Variants in EXT1 observed in about 807,000 individuals in gnomAD.
The protein encoded by EXT1 is exostosin-1.
A neutral mutation model predicts 82.5 loss-of-function variants in EXT1; 20 were observed. That is an observed-to-expected ratio of 0.24 (90% CI 0.17 to 0.35). EXT1 has a LOEUF of 0.35. Ranked by LOEUF, EXT1 falls within the 10% of genes least tolerant of loss-of-function variation. EXT1 has a pLI of 1.00. For missense variants in EXT1, 757 were observed against 936.5 expected (o/e 0.81, Z 2.50); for synonymous variants, 348 against 350.8 (o/e 0.99, Z 0.09).
chr8:117,827,377 A>G (rs1251142745), intron 4 of EXT1, among the ~76,000 whole-genome samples: 1 of 152,222 alleles, frequency 6.6e-6, no homozygotes, highest in East Asian at 1.9e-4. Flanking sequence ...GAAGTTCACA[A>G]TAGGATGCAT....
At chr8:117,873,208 C>T (rs1009255354) in intron 1 of EXT1, among the ~76,000 whole-genome samples, 10 of 152,148 alleles carry the variant, frequency 6.6e-5, no homozygotes, top group Non-Finnish European at 1.3e-4. Context: ...ACCCTGGTCT[C>T]GGACTCTGAG....
intron 1 of EXT1, among the ~76,000 whole-genome samples, chr8:117,904,841 GGAAAAAAAAAAGTGTGAA>G (rs1813514137): frequency 6.8e-6 from 1 of 146,102 alleles, no homozygotes; most frequent in Non-Finnish European, 1.5e-5. Flanking sequence ...CAGAGAAATT[GGAAAAAAAAAAGTGTGAA>G]GAAAAAAAAA....
intron 1 of EXT1, among the ~76,000 whole-genome samples, chr8:117,925,314 C>T (rs1242459345): frequency 6.7e-6 from 1 of 150,040 alleles, no homozygotes; most frequent in Admixed American, 6.7e-5. Flanking sequence ...TGGTCTCTGG[C>T]ACACACATAA....
At chr8:117,994,692 G>A (rs2129795631) in intron 1 of EXT1, among the ~76,000 whole-genome samples, 1 of 152,244 alleles carries the variant, frequency 6.6e-6, no homozygotes, top group South Asian at 2.1e-4. Flanking sequence ...TACATCCCTG[G>A]GGCAACAAGC....
intron 7 of EXT1, among the ~76,000 whole-genome samples, chr8:117,816,929 T>C (rs17430042): frequency 0.1 from 15,615 of 152,176 alleles, 1,165 homozygotes; most frequent in African/African-American, 0.21. Flanking sequence ...TGCCTCTGAG[T>C]ACTGTTCATG....
At chr8:118,085,557 A>T (rs749036058) in intron 1 of EXT1, among the ~76,000 whole-genome samples, 12 of 151,040 alleles carry the variant, frequency 7.9e-5, no homozygotes, top group Non-Finnish European at 1.3e-4. Flanking sequence ...CTACTGAAAG[A>T]CAATGCCATT....
chr8:117,809,634 C>CAAAAA (rs35543306), intron 8 of EXT1, among the ~76,000 whole-genome samples: 3 of 133,746 alleles, frequency 2.2e-5, no homozygotes, highest in African/African-American at 8.7e-5. Context: ...GAGACTCCGT[C>CAAAAA]AAAAAAAAAA....
intron 1 of EXT1, among the ~76,000 whole-genome samples, chr8:117,923,855 C>G (rs916678355): frequency 1.3e-5 from 2 of 152,174 alleles, no homozygotes. Context: ...GAGAACAATT[C>G]CAAAGCTGCA....
rs1206525256 is a variant in EXT1, at chr8:118,110,465, A to G, written c.582T>C (p.Asn194=). The G allele has an allele frequency of 1.4e-5, 23 of 1,614,032 alleles. No individual in the cohort carries two copies. The highest frequency in any genetic ancestry group is 1.9e-5 in the Non-Finnish European group (23 of 1,180,054). Residue 194 remains asparagine (N), a synonymous_variant, in exon 1 of 11, where the codon AAT becomes AAC. Coordinates refer to ENST00000378204, the MANE Select transcript of EXT1 (RefSeq NM_000127.3). ...AGTCAGGCCAAGTGCCGGAATATAA[A>G]TTAAAAATTAAATGATTCCTACCAT... is the stretch of plus-strand genomic sequence containing the variant. ...WNNGRNHLIF[N]LYSGTWPDYT...
chr8:118,042,949 C>T (rs1244806107), intron 1 of EXT1, among the ~76,000 whole-genome samples: 1 of 152,214 alleles, frequency 6.6e-6, no homozygotes, highest in African/African-American at 2.4e-5. Context: ...CACTCCCTTA[C>T]AAAGAAACTT....
intron 1 of EXT1, among the ~76,000 whole-genome samples, chr8:117,980,726 T>TCCAGTGTGAG: frequency 1.4e-5 from 2 of 142,682 alleles, no homozygotes; most frequent in Non-Finnish European, 3.0e-5. Flanking sequence ...TTTTTTTTTT[T>TCCAGTGTGAG]TTTTTCCAGT....
chr8:118,043,916 C>T (rs1381157755), intron 1 of EXT1, among the ~76,000 whole-genome samples: 1 of 152,120 alleles, frequency 6.6e-6, no homozygotes, highest in Non-Finnish European at 1.5e-5. Context: ...AGAATAATAA[C>T]AATATTGGCC....
intron 1 of EXT1, among the ~76,000 whole-genome samples, chr8:118,067,712 A>G (rs1415552138): frequency 6.6e-6 from 1 of 152,250 alleles, no homozygotes; most frequent in Non-Finnish European, 1.5e-5. Flanking sequence ...AAGACCAGTT[A>G]CATGCTACTT....
At chr8:117,828,103 A>G (rs925385687) in intron 4 of EXT1, among the ~76,000 whole-genome samples, 1 of 152,214 alleles carries the variant, frequency 6.6e-6, no homozygotes, top group African/African-American at 2.4e-5. Flanking sequence ...CAATGCAAGT[A>G]TATAAAGACT....
chr8:117,963,583 C>G (rs1814746740), intron 1 of EXT1, among the ~76,000 whole-genome samples: 1 of 152,120 alleles, frequency 6.6e-6, no homozygotes, highest in African/African-American at 2.4e-5. Context: ...CTCCACCTCC[C>G]GGGTTCAAGC....
In EXT1 at chr8:117,837,241, T is replaced by C. The variant is rs17503474; in HGVS notation, c.963-40A>G. The C allele has an allele frequency of 7.2e-4, 1,100 of 1,527,862 alleles. 3 individuals are homozygous for C. In the African/African-American group the frequency reaches 0.013, roughly 18 times the overall value. 94.6% of individuals were successfully genotyped at this position (1,527,862 alleles called of 1,614,324 possible). A position where few individuals can be genotyped will look rare whatever the true frequency, so the allele number is the denominator to read the frequency against. ...GGAGTAAACAGCAAATGAAGACTCA[T>C]TGCGAATGTGGGGATATTGACCATA... is the stretch of plus-strand genomic sequence containing the variant. On this transcript the variant is annotated intron_variant, in intron 1 of 10. Coordinates refer to ENST00000378204, the MANE Select transcript of EXT1 (RefSeq NM_000127.3).
At chr8:118,049,008 C>T (rs1816675385) in intron 1 of EXT1, among the ~76,000 whole-genome samples, 1 of 152,110 alleles carries the variant, frequency 6.6e-6, no homozygotes, top group South Asian at 2.1e-4. Flanking sequence ...ATACCCACTC[C>T]CCCCAGAAGA....
chr8:117,810,744 C>T (rs940778249), intron 8 of EXT1, among the ~76,000 whole-genome samples: 2 of 152,182 alleles, frequency 1.3e-5, no homozygotes, highest in African/African-American at 4.8e-5. Flanking sequence ...CCAAAATCCA[C>T]TATCCACTCT....
intron 4 of EXT1, among the ~76,000 whole-genome samples, chr8:117,829,218 G>A (rs79937979): frequency 2.0e-5 from 3 of 151,974 alleles, no homozygotes; most frequent in African/African-American, 4.8e-5. Context: ...GTGCTACTTC[G>A]GTGTAGCCTC....
Sources: gnomAD v4.1 joint callset for allele counts (sites outside exome capture counted in the v4.1 genomes callset) on GRCh38, gnomAD v4.1.1 for gene constraint, MANE v1.5 for transcripts, NCBI Gene and HGNC (gene_info 2026-07-23, HGNC 2026-07-21) for gene names.